The following PLD5 variants were observed in gnomAD, a reference collection of about 807,000 sequenced individuals.
PLD5 encodes phospholipase D family member 5.
Under a neutral mutation model 61.1 loss-of-function variants are expected in PLD5, and 36 were observed. The ratio of observed to expected loss-of-function variants is 0.59; its 90% confidence interval spans 0.45 to 0.78. The LOEUF (loss-of-function observed/expected upper bound fraction) is 0.78, where lower values mean the gene tolerates loss of function less well. Ranked by LOEUF, PLD5 falls within the 30% of genes least tolerant of loss-of-function variation. The pLI is 0.00. For synonymous variants in PLD5, 243 were observed against 242.8 expected (o/e 1.00, Z -0.01); for missense variants, 515 against 644.4 (o/e 0.80, Z 2.17).
chr1:242,229,453 C>A (rs965065629), intron 4 of PLD5, among the ~76,000 whole-genome samples: 1 of 152,108 alleles, frequency 6.6e-6, no homozygotes, highest in Admixed American at 6.5e-5. Flanking sequence ...AGAACCTCAC[C>A]AAAATGTACT....
chr1:242,181,357 A>C (rs549635728), intron 5 of PLD5, among the ~76,000 whole-genome samples: 27 of 152,354 alleles, frequency 1.8e-4, no homozygotes, highest in Admixed American at 8.5e-4. Context: ...GACCCAATGG[A>C]CAAATGTTTA....
In PLD5 at chr1:242,301,938, C is replaced by CGGCTAATT. The variant is rs370164736; in HGVS notation, c.327-13416_327-13409dup. On this transcript the variant is annotated intron_variant, in intron 2 of 9. Coordinates refer to ENST00000536534, the MANE Select transcript of PLD5 (RefSeq NM_001372062.1). ...GATTACTAGGGCCTGCCACCACACC[C>CGGCTAATT]GGCTAATTATTTTTGTATTTGTAGT... is the stretch of plus-strand genomic sequence containing the variant. Among the ~76,000 whole-genome samples the CGGCTAATT allele has an allele frequency of 1.6e-3, 248 of 152,036 alleles. 4 individuals are homozygous for CGGCTAATT. The highest frequency in any genetic ancestry group is 5.9e-3 in the African/African-American group (244 of 41,468).
intron 1 of PLD5, among the ~76,000 whole-genome samples, chr1:242,378,214 CGAGT>C (rs1398210315): frequency 2.0e-5 from 3 of 152,152 alleles, no homozygotes; most frequent in Admixed American, 2.0e-4. Context: ...CATGCCACAA[CGAGT>C]GAACCTTGAA....
chr1:242,219,054 A>G (rs1469505931), intron 5 of PLD5, among the ~76,000 whole-genome samples: 1 of 152,216 alleles, frequency 6.6e-6, no homozygotes, highest in African/African-American at 2.4e-5. Flanking sequence ...CACAAACTAT[A>G]AAGCTGATAA....
intron 2 of PLD5, among the ~76,000 whole-genome samples, chr1:242,292,151 G>A (rs1675404018): frequency 6.6e-6 from 1 of 152,124 alleles, no homozygotes; most frequent in Non-Finnish European, 1.5e-5. Flanking sequence ...CACATTTAAA[G>A]CCCAATTATC....
chr1:242,285,166 C>T (rs1386900595), intron 3 of PLD5, among the ~76,000 whole-genome samples: 4 of 152,234 alleles, frequency 2.6e-5, no homozygotes, highest in Admixed American at 1.3e-4. Context: ...TAGAGAGTGA[C>T]TTGAACTAAG....
intron 1 of PLD5, among the ~76,000 whole-genome samples, chr1:242,446,810 G>A (rs1373905452): frequency 1.3e-5 from 2 of 152,150 alleles, no homozygotes; most frequent in East Asian, 1.9e-4. Context: ...GGCACTGAAA[G>A]TTTCTGTAAC....
chr1:242,276,237 C>T (rs370744820), intron 3 of PLD5, among the ~76,000 whole-genome samples: 3 of 151,092 alleles, frequency 2.0e-5, no homozygotes, highest in Admixed American at 1.3e-4. Flanking sequence ...ACTTGAGAGG[C>T]TGAGGCAGGA....
chr1:242,394,226 GTATA>G lies in PLD5; in HGVS notation c.190-45988_190-45985del, dbSNP rs36083865. Among the ~76,000 whole-genome samples the G allele has an allele frequency of 2.0e-3, 157 of 79,568 alleles. 29 individuals carry two copies. The highest frequency in any genetic ancestry group is 2.9e-3 in the Non-Finnish European group (124 of 43,494). The allele number at this position is 79,568 out of a possible 152,430, so 52.2% of individuals were successfully genotyped here. On this transcript the variant is annotated intron_variant, in intron 1 of 9. Coordinates refer to ENST00000536534, the MANE Select transcript of PLD5 (RefSeq NM_001372062.1). ...TATGTGTATATGAGTATATATATGT[GTATA>G]TATATGAGTATATATATGTGTATAT...
intron 4 of PLD5, among the ~76,000 whole-genome samples, chr1:242,241,523 A>G (rs973150403): frequency 6.6e-6 from 1 of 151,864 alleles, no homozygotes; most frequent in African/African-American, 2.4e-5. Context: ...TAGACTCGAC[A>G]GCATGGTTAG....
intron 5 of PLD5, among the ~76,000 whole-genome samples, chr1:242,217,949 A>G (rs1262608371): frequency 2.6e-5 from 4 of 152,224 alleles, no homozygotes; most frequent in Middle Eastern, 3.2e-3. Context: ...AGGATTTAGA[A>G]TATTACATAA....
chr1:242,184,744 C>G (rs977108710), intron 5 of PLD5, among the ~76,000 whole-genome samples: 7 of 152,212 alleles, frequency 4.6e-5, no homozygotes, highest in African/African-American at 1.7e-4. Flanking sequence ...TTACTATCCA[C>G]TTTTGGGACC....
At chr1:242,427,366 C>T (rs182911232) in intron 1 of PLD5, among the ~76,000 whole-genome samples, 6 of 152,232 alleles carry the variant, frequency 3.9e-5, no homozygotes, top group Admixed American at 2.0e-4. Context: ...TGGTGCATTT[C>T]TTTATATTTT....
intron 1 of PLD5, among the ~76,000 whole-genome samples, chr1:242,492,088 G>A (rs897662427): frequency 2.0e-5 from 3 of 152,086 alleles, no homozygotes; most frequent in African/African-American, 7.2e-5. Flanking sequence ...CTAATTTTTA[G>A]TATAGCAAAC....
At chr1:242,248,917 G>A (rs572908668) in intron 4 of PLD5, among the ~76,000 whole-genome samples, 1 of 152,260 alleles carries the variant, frequency 6.6e-6, no homozygotes, top group South Asian at 2.1e-4. Flanking sequence ...GGAGGCCAAG[G>A]CGGGCGGATC....
intron 2 of PLD5, among the ~76,000 whole-genome samples, chr1:242,345,189 G>A (rs1660059440): frequency 6.6e-6 from 1 of 152,108 alleles, no homozygotes; most frequent in Non-Finnish European, 1.5e-5. Flanking sequence ...TGCCACAATC[G>A]TCTCATGACT....
rs74150845 is a variant in PLD5 at position 242,203,253 on chromosome 1, C to T, written c.735+16735G>A. Among the ~76,000 whole-genome samples the T allele has an allele frequency of 8.9e-3, 1,352 of 152,280 alleles. 23 individuals carry two copies. The highest frequency in any genetic ancestry group is 0.031 in the African/African-American group (1,296 of 41,550). ...GGATTCCTCACTTCTGGTTAGCCCA[C>T]CTACGGCTTCCCCATCCCACAGCCT... On this transcript the variant is annotated intron_variant, in intron 5 of 9. Transcript: ENST00000536534.
chr1:242,188,021 A>C (rs1257964360), intron 5 of PLD5, among the ~76,000 whole-genome samples: 1 of 152,062 alleles, frequency 6.6e-6, no homozygotes, highest in Non-Finnish European at 1.5e-5. Flanking sequence ...TGTGGAGTTC[A>C]TGATTAACAA....
intron 4 of PLD5, among the ~76,000 whole-genome samples, chr1:242,263,444 G>T (rs2653198): frequency 0.55 from 81,329 of 148,150 alleles, 23,204 homozygotes; most frequent in East Asian, 0.76. Flanking sequence ...AATGCACTGT[G>T]ATCATTTAAT....
Sources: allele counts gnomAD v4.1 joint callset (sites outside exome capture counted in the v4.1 genomes callset), GRCh38; gene constraint gnomAD v4.1.1; transcripts MANE v1.5; gene names NCBI Gene and HGNC (gene_info 2026-07-23, HGNC 2026-07-21).